Variants in CARMIL1 observed in about 807,000 individuals in gnomAD.
CARMIL1 encodes F-actin-uncapping protein LRRC16A.
CARMIL1 carries 90 observed loss-of-function variants against 177.1 expected under a neutral mutation model. That is an observed-to-expected ratio of 0.51 (90% CI 0.43 to 0.61). The LOEUF (loss-of-function observed/expected upper bound fraction) is 0.61. Ranked by LOEUF, CARMIL1 falls within the 20% of genes least tolerant of loss-of-function variation. The probability of loss-of-function intolerance (pLI) is 0.00; values close to 1 mark genes in which losing one functional copy is unlikely to be tolerated. For missense variants in CARMIL1, 1,380 were observed against 1,667.0 expected (o/e 0.83, Z 3.00); for synonymous variants, 577 against 606.2 (o/e 0.95, Z 0.71).
intron 26 of CARMIL1, 74 bp from the exon 27 acceptor site, chr6:25,550,836 C>T (rs1810022344): frequency 7.3e-7 from 1 of 1,375,620 alleles, no homozygotes; most frequent in South Asian, 1.3e-5. Context: ...CATATATAAC[C>T]ACCTTTCAGT....
chr6:25,307,226 A>G (rs188369744), intron 2 of CARMIL1, among the ~76,000 whole-genome samples: 4 of 152,322 alleles, frequency 2.6e-5, no homozygotes, highest in Admixed American at 2.6e-4. Context: ...TGCTTGTAAG[A>G]GTGTTTACAA....
At chr6:25,428,556 T>TA (rs1796468195) in intron 4 of CARMIL1, among the ~76,000 whole-genome samples, 4 of 152,224 alleles carry the variant, frequency 2.6e-5, no homozygotes, top group Admixed American at 2.6e-4. Flanking sequence ...TCAGTTTCTA[T>TA]AAAAAGCTTG....
At chr6:25,485,610 T>G (rs9379770) in intron 12 of CARMIL1, among the ~76,000 whole-genome samples, 16,374 of 151,936 alleles carry the variant, frequency 0.11, 1,166 homozygotes, top group East Asian at 0.29. Context: ...AATTTTTGTA[T>G]TTTTAGTAGA....
intron 2 of CARMIL1, among the ~76,000 whole-genome samples, chr6:25,338,374 T>C (rs1786511888): frequency 1.3e-5 from 2 of 152,170 alleles, no homozygotes; most frequent in African/African-American, 4.8e-5. Context: ...GCTATGAGAG[T>C]GTGCTGCTAA....
intron 10 of CARMIL1, among the ~76,000 whole-genome samples, chr6:25,471,692 T>C (rs1263204370): frequency 6.6e-6 from 1 of 152,202 alleles, no homozygotes; most frequent in East Asian, 1.9e-4. Flanking sequence ...TATATGTAGG[T>C]TTAATTATTA....
chr6:25,458,879 C>T (rs75387494), intron 8 of CARMIL1, among the ~76,000 whole-genome samples: 1,538 of 152,176 alleles, frequency 0.01, 19 homozygotes, highest in South Asian at 0.025. Flanking sequence ...ATATTTAAAG[C>T]GCTTTGTGTT....
chr6:25,613,143 T>C (rs1816634216), intron 36 of CARMIL1, among the ~76,000 whole-genome samples: 1 of 152,234 alleles, frequency 6.6e-6, no homozygotes, highest in African/African-American at 2.4e-5. Flanking sequence ...CTTGTCCTTT[T>C]AAATTTTTGT....
At chr6:25,482,368 G>GA in intron 12 of CARMIL1, 25 bp downstream of exon 12, 1 of 1,132,236 alleles carries the variant, frequency 8.8e-7, no homozygotes. Context: ...ATTTACCTAA[G>GA]AGTGTGTCTG....
chr6:25,398,695 AGCCCT>A (rs1793633233), intron 2 of CARMIL1, among the ~76,000 whole-genome samples: 3 of 152,330 alleles, frequency 2.0e-5, no homozygotes, highest in South Asian at 2.1e-4. Context: ...GACATGAACA[AGCCCT>A]TCCAGAATCA....
At chr6:25,402,102 T>C (rs1444058913) in intron 2 of CARMIL1, among the ~76,000 whole-genome samples, 1 of 152,138 alleles carries the variant, frequency 6.6e-6, no homozygotes, top group Non-Finnish European at 1.5e-5. Flanking sequence ...CATTAATCTT[T>C]TTCTGCCTTG....
intron 2 of CARMIL1, among the ~76,000 whole-genome samples, chr6:25,291,231 G>C (rs548193502): frequency 6.6e-6 from 1 of 152,148 alleles, no homozygotes; most frequent in South Asian, 2.1e-4. Context: ...AAGGCATAGG[G>C]GTATTATTTT....
At chr6:25,352,682 C>T (rs1788225104) in intron 2 of CARMIL1, among the ~76,000 whole-genome samples, 1 of 152,140 alleles carries the variant, frequency 6.6e-6, no homozygotes, top group South Asian at 2.1e-4. Context: ...CTGCTTCACA[C>T]TCATGTCTCT....
At chr6:25,315,644 A>G (rs1314753448) in intron 2 of CARMIL1, among the ~76,000 whole-genome samples, 1 of 152,178 alleles carries the variant, frequency 6.6e-6, no homozygotes, top group African/African-American at 2.4e-5. Flanking sequence ...TATTCTTTCT[A>G]TGACAAAATG....
At chr6:25,455,782 G>T (rs534117985) in intron 8 of CARMIL1, among the ~76,000 whole-genome samples, 1 of 152,154 alleles carries the variant, frequency 6.6e-6, no homozygotes, top group Non-Finnish European at 1.5e-5. Flanking sequence ...ATTCAAAGCC[G>T]GGGATTTTAG....
In CARMIL1 at chr6:25,558,709, T is replaced by C. The variant is rs1582360220; in HGVS notation, c.2742+1859T>C. 6.6e-6 allele frequency among the ~76,000 whole-genome samples: 1 copy of C among 152,006 alleles called. No individual in the cohort carries two copies. The highest frequency in any genetic ancestry group is 6.5e-5 in the Admixed American group (1 of 15,270). Reference sequence around the variant, plus strand: ...CTCAGGACAAGCCACGTTAGGAGGGTAGACTTTATCTGGTTTAAAGGGCCA... The same window carrying C: ...CTCAGGACAAGCCACGTTAGGAGGGCAGACTTTATCTGGTTTAAAGGGCCA... On this transcript the variant is annotated intron_variant, in intron 29 of 36. Transcript: ENST00000329474. This position sits in a 1 kb window ranked among gnomAD's most constrained non-coding sequence, Gnocchi z 4.1.
chr6:25,299,170 CT>C (rs565622591), intron 2 of CARMIL1, among the ~76,000 whole-genome samples: 35,876 of 117,944 alleles, frequency 0.3, 5,978 homozygotes, highest in African/African-American at 0.55. Flanking sequence ...ATGCTGGATT[CT>C]TTTTTTTTTT....
At chr6:25,353,383 A>G (rs1199266090) in intron 2 of CARMIL1, among the ~76,000 whole-genome samples, 5 of 152,212 alleles carry the variant, frequency 3.3e-5, no homozygotes. Flanking sequence ...ACCCAGGTCT[A>G]TCAGAGTAGG....
At chr6:25,443,495 T>A (rs1183551135) in intron 5 of CARMIL1, among the ~76,000 whole-genome samples, 1 of 152,226 alleles carries the variant, frequency 6.6e-6, no homozygotes, top group African/African-American at 2.4e-5. Context: ...ACATCTGACA[T>A]GTATTAGGTA....
chr6:25,470,672 A>G (rs1252045945), intron 9 of CARMIL1, among the ~76,000 whole-genome samples: 1 of 152,226 alleles, frequency 6.6e-6, no homozygotes, highest in South Asian at 2.1e-4. Flanking sequence ...TCAAGGCTCC[A>G]GCAGACTTGG....
Sources: allele counts gnomAD v4.1 joint callset (sites outside exome capture counted in the v4.1 genomes callset), GRCh38; gene constraint gnomAD v4.1.1; non-coding constraint Gnocchi (gnomAD v3.1); transcripts MANE v1.5; gene names NCBI Gene and HGNC (gene_info 2026-07-23, HGNC 2026-07-21).